The following NRG1 variants were observed in gnomAD, a reference collection of about 807,000 sequenced individuals.
The protein encoded by NRG1 is neuregulin 1.
NRG1 carries 18 observed loss-of-function variants against 63.8 expected under a neutral mutation model. That is an observed-to-expected ratio of 0.28 (90% CI 0.19 to 0.42). NRG1 has a LOEUF of 0.42. NRG1 is among the 10% of genes least tolerant of loss of function. NRG1 has a pLI of 1.00. For missense variants in NRG1, 762 were observed against 814.7 expected (o/e 0.94, Z 0.79); for synonymous variants, 302 against 301.3 (o/e 1.00, Z -0.02).
At chr8:31,780,497 A>G (rs895449539) in intron 1 of NRG1, among the ~76,000 whole-genome samples, 2 of 152,224 alleles carry the variant, frequency 1.3e-5, no homozygotes, top group East Asian at 3.8e-4. Flanking sequence ...TGACATTATA[A>G]GGGTGCCTCC....
chr8:32,727,712 T>C (rs1822563728), intron 5 of NRG1, among the ~76,000 whole-genome samples: 1 of 152,210 alleles, frequency 6.6e-6, no homozygotes, highest in Admixed American at 6.5e-5. Flanking sequence ...TTGAGCCTCT[T>C]TTCCTATTTA....
intron 1 of NRG1, among the ~76,000 whole-genome samples, chr8:32,315,229 T>C (rs1857247410): frequency 6.6e-6 from 1 of 152,190 alleles, no homozygotes; most frequent in Non-Finnish European, 1.5e-5. Context: ...GTCATAGTGC[T>C]CTCCCTCTGC....
intron 1 of NRG1, among the ~76,000 whole-genome samples, chr8:32,009,279 G>A (rs1814337578): frequency 6.6e-6 from 1 of 151,946 alleles, no homozygotes; most frequent in Admixed American, 6.6e-5. Flanking sequence ...TTCCTCTTCT[G>A]TTTCTAGTGA....
intron 1 of NRG1, among the ~76,000 whole-genome samples, chr8:31,783,789 G>A (rs1416708234): frequency 6.6e-6 from 1 of 152,070 alleles, no homozygotes; most frequent in Admixed American, 6.6e-5. Flanking sequence ...CTAGCACAGG[G>A]CTTAGCCAAA....
chr8:32,130,964 C>G (rs751199371), intron 1 of NRG1, among the ~76,000 whole-genome samples: 6 of 151,924 alleles, frequency 3.9e-5, no homozygotes, highest in Non-Finnish European at 8.8e-5. Context: ...CCCTTTAACA[C>G]CAACTATCTT....
intron 1 of NRG1, among the ~76,000 whole-genome samples, chr8:31,809,035 A>C (rs1411671139): frequency 1.3e-5 from 2 of 152,014 alleles, no homozygotes; most frequent in Admixed American, 1.3e-4. Flanking sequence ...CTAGATTTAG[A>C]ATTTAAAATT....
chr8:31,859,661 G>A (rs1828285251), intron 1 of NRG1, among the ~76,000 whole-genome samples: 1 of 152,176 alleles, frequency 6.6e-6, no homozygotes, highest in Non-Finnish European at 1.5e-5. Context: ...ATCTGAGCTA[G>A]ACAAAAAGTA....
intron 1 of NRG1, among the ~76,000 whole-genome samples, chr8:32,182,900 T>G (rs1238197890): frequency 6.6e-6 from 1 of 152,184 alleles, no homozygotes; most frequent in Non-Finnish European, 1.5e-5. Flanking sequence ...TTTAAAAAAT[T>G]TCAAAACGTT....
intron 1 of NRG1, among the ~76,000 whole-genome samples, chr8:31,837,397 G>T (rs1262567225): frequency 6.6e-6 from 1 of 151,562 alleles, no homozygotes; most frequent in Non-Finnish European, 1.5e-5. Flanking sequence ...TAATAATTTT[G>T]CATGTTTATG....
At chr8:32,208,066 C>T (rs1017655442) in intron 1 of NRG1, among the ~76,000 whole-genome samples, 3 of 152,032 alleles carry the variant, frequency 2.0e-5, no homozygotes, top group African/African-American at 7.2e-5. Flanking sequence ...AAAAGAAATG[C>T]CTAGGTCTCT....
intron 1 of NRG1, among the ~76,000 whole-genome samples, chr8:32,449,413 TA>T (rs79338341): frequency 0.041 from 5,776 of 141,776 alleles, 120 homozygotes; most frequent in Non-Finnish European, 0.052. Flanking sequence ...CTCTCCAGCC[TA>T]AAAAAAAAAA....
At chr8:31,911,134 G>C (rs1051160555) in intron 1 of NRG1, among the ~76,000 whole-genome samples, 9 of 150,792 alleles carry the variant, frequency 6.0e-5, no homozygotes, top group African/African-American at 2.2e-4. Context: ...TCCATGAGTA[G>C]TTAAGCTTAG....
chr8:32,575,962 AAT>A (rs1397187818), intron 1 of NRG1, among the ~76,000 whole-genome samples: 1 of 152,214 alleles, frequency 6.6e-6, no homozygotes, highest in African/African-American at 2.4e-5. Context: ...GTTCCTGATT[AAT>A]ATGTGTTTTA....
chr8:31,988,976 C>G (rs1439804383), intron 1 of NRG1, among the ~76,000 whole-genome samples: 2 of 151,952 alleles, frequency 1.3e-5, no homozygotes, highest in Non-Finnish European at 2.9e-5. Flanking sequence ...TAGCTGGGCA[C>G]AGTGGCTCAT....
At chr8:31,936,405 A>G (rs1218812218) in intron 1 of NRG1, among the ~76,000 whole-genome samples, 2 of 152,170 alleles carry the variant, frequency 1.3e-5, no homozygotes, top group Non-Finnish European at 2.9e-5. Flanking sequence ...TTTCCATTTT[A>G]TATTTCCTTG....
intron 1 of NRG1, among the ~76,000 whole-genome samples, chr8:32,508,026 A>G (rs1563560235): frequency 6.6e-6 from 1 of 152,150 alleles, no homozygotes; most frequent in African/African-American, 2.4e-5. Flanking sequence ...GGGATGTTCA[A>G]TGCAGTAGCA....
At chr8:32,156,129 A>G (rs1838034368) in intron 1 of NRG1, among the ~76,000 whole-genome samples, 1 of 152,212 alleles carries the variant, frequency 6.6e-6, no homozygotes, top group South Asian at 2.1e-4. Flanking sequence ...TTCTAGTGTC[A>G]TAGTACATGC....
chr8:32,170,794 GGTGGCTTCTA>G (rs1839944926), intron 1 of NRG1, among the ~76,000 whole-genome samples: 1 of 152,172 alleles, frequency 6.6e-6, no homozygotes, highest in African/African-American at 2.4e-5. Flanking sequence ...TCAATCCACC[GGTGGCTTCTA>G]GTCGATATTT....
At chr8:31,836,341 T>G (rs191222227) in intron 1 of NRG1, among the ~76,000 whole-genome samples, 1 of 152,304 alleles carries the variant, frequency 6.6e-6, no homozygotes, top group Admixed American at 6.5e-5. Context: ...TTATGATTGC[T>G]AAATAGGTCA....
Sources: allele counts gnomAD v4.1 joint callset (sites outside exome capture counted in the v4.1 genomes callset), GRCh38; gene constraint gnomAD v4.1.1; transcripts MANE v1.5; gene names NCBI Gene and HGNC (gene_info 2026-07-23, HGNC 2026-07-21).